The following TJP1 variants were observed in gnomAD, a reference collection of about 807,000 sequenced individuals.
The protein encoded by TJP1 is tight junction protein 1, also known as tight junction protein ZO-1.
Under a neutral mutation model 194.2 loss-of-function variants are expected in TJP1, and 43 were observed. The observed-to-expected ratio is 0.22, with a 90% confidence interval of 0.17 to 0.29. TJP1 has a LOEUF of 0.29. TJP1 is among the 10% of genes least tolerant of loss of function. TJP1 has a pLI of 1.00. For synonymous variants in TJP1, 801 were observed against 779.0 expected (o/e 1.03, Z -0.47); for missense variants, 1,971 against 2,185.7 (o/e 0.90, Z 1.96).
rs1395906583 is a variant in TJP1, at chr15:29,718,854, GTCA to G, written c.3285_3287del (p.Asp1096del). ...GTGGCCGAGATGGGTAGGGCTGTTT[GTCA>G]TCATAATATGACCACTGTTCTTCAT... On this transcript the variant is annotated inframe_deletion, in exon 21 of 28. Coordinates refer to ENST00000614355, the MANE Select transcript of TJP1 (RefSeq NM_001330239.4). 2 of 1,614,080 alleles carry G rather than the reference GTCA, an allele frequency of 1.2e-6. No homozygotes were observed. The highest frequency in any genetic ancestry group is 1.7e-5 in the Admixed American group (1 of 60,010).
chr15:29,806,008 T>C (rs2049090161), intron 1 of TJP1, among the ~76,000 whole-genome samples: 1 of 152,222 alleles, frequency 6.6e-6, no homozygotes, highest in Middle Eastern at 3.4e-3. Context: ...GGGTACCAGA[T>C]CACAACAGGC....
chr15:29,909,375 A>G (rs1012825605), intron 2 of TJP1, among the ~76,000 whole-genome samples: 2 of 151,304 alleles, frequency 1.3e-5, no homozygotes, highest in African/African-American at 4.9e-5. Context: ...ACCAGAGAAA[A>G]TGGTTCATTT....
intron 2 of TJP1, among the ~76,000 whole-genome samples, chr15:29,782,191 A>T (rs1395090643): frequency 2.6e-5 from 4 of 152,336 alleles, no homozygotes; most frequent in South Asian, 4.1e-4. Flanking sequence ...CCAAGAGCCA[A>T]ATCAGGAATG....
At chr15:29,754,882 G>A (rs1437309342) in intron 8 of TJP1, among the ~76,000 whole-genome samples, 2 of 152,142 alleles carry the variant, frequency 1.3e-5, no homozygotes. Context: ...AGAAAATTAA[G>A]CAATATGTGA....
At position 29,772,033 on chromosome 15, in the gene TJP1, C is replaced by T. The variant is rs771830099; in HGVS notation, c.312+31G>A. On this transcript the variant is annotated intron_variant, in intron 4 of 27. Transcript: ENST00000614355. ...TGTATCAACAATAAAGTTGGGGTAC[C>T]TTTACTAAATTACAGAGAAAAGATA... 3.5e-6 allele frequency: 5 copies of T among 1,414,284 alleles called. No homozygotes were observed. In the African/African-American group the frequency reaches 5.8e-5, roughly 16 times the overall value. 87.6% of individuals were successfully genotyped at this position (1,414,284 alleles called of 1,614,324 possible).
At chr15:29,790,750 TC>T (rs373112844) in intron 2 of TJP1, among the ~76,000 whole-genome samples, 1 of 149,274 alleles carries the variant, frequency 6.7e-6, no homozygotes, top group Non-Finnish European at 1.5e-5. Flanking sequence ...AGTTCATTTT[TC>T]TTTTTTTTTT....
chr15:29,953,140 A>ATTTTTTTTTTTTTTTTTTTT (rs71416442), intron 2 of TJP1, among the ~76,000 whole-genome samples: 14 of 110,996 alleles, frequency 1.3e-4, no homozygotes, highest in East Asian at 3.8e-4. Context: ...AAGAAGACAG[A>ATTTTTTTTTTTTTTTTTTTT]TTTTTTTTTT....
At chr15:29,839,712 T>C (rs1160815260) in intron 2 of TJP1, among the ~76,000 whole-genome samples, 1 of 152,220 alleles carries the variant, frequency 6.6e-6, no homozygotes, top group African/African-American at 2.4e-5. Flanking sequence ...AACATTCCTG[T>C]ACAAATCCCC....
chr15:29,741,441 GA>G lies in TJP1; in HGVS notation c.1151-6del, dbSNP rs145191256. Reference sequence around the variant, plus strand: ...GGGCATACACAGGCTTTGGTTCTAAGAAAAAAAAAATTGAGTAGGACTCACT... The same window carrying G: ...GGGCATACACAGGCTTTGGTTCTAAGAAAAAAAAATTGAGTAGGACTCACT... On this transcript the variant is annotated splice_region_variant and splice_polypyrimidine_tract_variant and intron_variant, in intron 9 of 27. Transcript: ENST00000614355. The G allele has an allele frequency of 4.3e-4, 648 of 1,524,520 alleles. No homozygotes were observed. The highest frequency in any genetic ancestry group is 1.2e-3 in the Admixed American group (65 of 52,702). The allele number at this position is 1,524,520 out of a possible 1,614,324, so 94.4% of individuals were successfully genotyped here.
intron 2 of TJP1, among the ~76,000 whole-genome samples, chr15:29,955,379 T>G (rs1186347723): frequency 6.6e-6 from 1 of 152,116 alleles, no homozygotes; most frequent in African/African-American, 2.4e-5. Context: ...CTTTATGGCA[T>G]TACAGTATCT....
intron 5 of TJP1, among the ~76,000 whole-genome samples, chr15:29,763,580 T>C (rs2046141010): frequency 2.0e-5 from 3 of 151,742 alleles, no homozygotes; most frequent in South Asian, 2.1e-4. Context: ...CCAGCCTGGC[T>C]AGCATGGTAA....
chr15:29,777,369 T>A (rs925868703), intron 2 of TJP1, among the ~76,000 whole-genome samples: 1 of 152,146 alleles, frequency 6.6e-6, no homozygotes, highest in African/African-American at 2.4e-5. Flanking sequence ...TACCTTCATA[T>A]TGAATAAAAA....
chr15:29,847,266 C>A (rs1171594365), intron 2 of TJP1, among the ~76,000 whole-genome samples: 2 of 152,070 alleles, frequency 1.3e-5, no homozygotes, highest in Non-Finnish European at 2.9e-5. Flanking sequence ...CCACACCCAG[C>A]TAATTTTTGT....
At chr15:29,763,767 CAA>C (rs10680239) in intron 5 of TJP1, among the ~76,000 whole-genome samples, 1 of 122,194 alleles carries the variant, frequency 8.2e-6, no homozygotes, top group African/African-American at 3.2e-5. Context: ...GACTCCGTCT[CAA>C]AAAAAAAAAA....
At chr15:29,747,079 G>A (rs1391717348) in intron 8 of TJP1, among the ~76,000 whole-genome samples, 3 of 152,166 alleles carry the variant, frequency 2.0e-5, no homozygotes, top group Non-Finnish European at 4.4e-5. Flanking sequence ...GAGGTCAGGA[G>A]TTCGAGATCA....
intron 23 of TJP1, among the ~76,000 whole-genome samples, chr15:29,713,282 G>T (rs751148638): frequency 5.9e-5 from 9 of 152,216 alleles, no homozygotes; most frequent in Non-Finnish European, 2.9e-5. Context: ...GCCCTGGAGG[G>T]ACACTGCTCT....
chr15:29,911,207 A>C (rs2054001247), intron 2 of TJP1, among the ~76,000 whole-genome samples: 2 of 152,214 alleles, frequency 1.3e-5, no homozygotes, highest in South Asian at 4.1e-4. Flanking sequence ...CTTCAGGCTC[A>C]GAGCTGGCAT....
At chr15:29,958,202 A>C (rs2056017392) in intron 1 of TJP1, among the ~76,000 whole-genome samples, 1 of 152,102 alleles carries the variant, frequency 6.6e-6, no homozygotes, top group Admixed American at 6.6e-5. Context: ...GTCTGATGAT[A>C]ATTTTCCCAT....
chr15:29,738,864 C>CT (rs2044206522), intron 10 of TJP1, among the ~76,000 whole-genome samples: 1 of 6,444 alleles, frequency 1.6e-4, no homozygotes, highest in African/African-American at 3.4e-4. Flanking sequence ...CCTGTCACTA[C>CT]TAAAAAAAAA....
Sources: gnomAD v4.1 joint callset for allele counts (sites outside exome capture counted in the v4.1 genomes callset) on GRCh38, gnomAD v4.1.1 for gene constraint, MANE v1.5 for transcripts, NCBI Gene and HGNC (gene_info 2026-07-23, HGNC 2026-07-21) for gene names.